THSD4: variants seen among roughly 807,000 people sequenced by gnomAD.
THSD4 encodes thrombospondin type-1 domain-containing protein 4.
In THSD4, 69 loss-of-function variants were observed where a neutral mutation model predicts 119.0. The ratio of observed to expected loss-of-function variants is 0.58; its 90% confidence interval spans 0.48 to 0.71. The LOEUF (loss-of-function observed/expected upper bound fraction) is 0.71, where lower values mean the gene tolerates loss of function less well. THSD4 is among the 30% of genes least tolerant of loss of function. The probability of loss-of-function intolerance (pLI) is 0.00; values close to 1 mark genes in which losing one functional copy is unlikely to be tolerated. For missense variants in THSD4, 1,393 were observed against 1,391.1 expected (o/e 1.00, Z -0.02); for synonymous variants, 524 against 540.4 (o/e 0.97, Z 0.42).
At chr15:71,358,929 C>T (rs912083080) in intron 6 of THSD4, among the ~76,000 whole-genome samples, 2 of 152,148 alleles carry the variant, frequency 1.3e-5, no homozygotes, top group Non-Finnish European at 1.5e-5. Flanking sequence ...AAAATGAGTT[C>T]CTCTGTCCCT....
At chr15:71,412,898 C>T (rs1596414198) in intron 7 of THSD4, among the ~76,000 whole-genome samples, 1 of 152,234 alleles carries the variant, frequency 6.6e-6, no homozygotes. Context: ...TTGATACAGA[C>T]ATACAGTGTG....
chr15:71,346,208 C>CAATG (rs891860486), intron 6 of THSD4, among the ~76,000 whole-genome samples: 2 of 152,144 alleles, frequency 1.3e-5, no homozygotes, highest in African/African-American at 2.4e-5. Context: ...AGAATATAGA[C>CAATG]CATTATTAGG....
At chr15:71,727,554 ATATATAT>A (rs1248301456) in intron 8 of THSD4, among the ~76,000 whole-genome samples, 2 of 121,712 alleles carry the variant, frequency 1.6e-5, no homozygotes, top group African/African-American at 8.1e-5. Context: ...AAAAAAAAAA[ATATATAT>A]ATATATATAT....
At chr15:71,714,545 C>T (rs1469951138) in intron 8 of THSD4, among the ~76,000 whole-genome samples, 2 of 152,242 alleles carry the variant, frequency 1.3e-5, no homozygotes, top group East Asian at 3.9e-4. Context: ...TTGGCATTTT[C>T]TTTTCTTAAG....
intron 7 of THSD4, among the ~76,000 whole-genome samples, chr15:71,565,978 T>C (rs956687480): frequency 6.6e-6 from 1 of 152,088 alleles, no homozygotes; most frequent in Non-Finnish European, 1.5e-5. Flanking sequence ...CTCCTAGAAT[T>C]GAAACCAACT....
chr15:71,338,122 A>C (rs1283704732), intron 6 of THSD4, among the ~76,000 whole-genome samples: 6 of 152,194 alleles, frequency 3.9e-5, no homozygotes, highest in Non-Finnish European at 2.9e-5. Flanking sequence ...AACTGGGTTC[A>C]AAATATGGTT....
chr15:71,644,010 A>G (rs760461061), intron 7 of THSD4, among the ~76,000 whole-genome samples: 1 of 152,194 alleles, frequency 6.6e-6, no homozygotes, highest in Non-Finnish European at 1.5e-5. Context: ...TTGAAAATAT[A>G]TCTTAAAGAT....
Position 71,411,746 on chromosome 15 carries a change from C to T in THSD4, c.1075C>T (p.Arg359Trp), listed in dbSNP as rs781436484. The T allele has an allele frequency of 8.1e-6, 13 of 1,614,086 alleles. No individual in the cohort carries two copies. The highest frequency in any genetic ancestry group is 4.5e-5 in the East Asian group (2 of 44,868). Residue 359 changes from arginine (R) to tryptophan (W), a missense_variant, in exon 7 of 18, where the codon CGG (arginine) becomes TGG (tryptophan). Coordinates refer to ENST00000261862, the MANE Select transcript of THSD4 (RefSeq NM_024817.3). ...GGCAATGGGCTACCGCTTCTATGTA[C>T]GGCAAGCTGAGAAAGTCATCGATGG... is the stretch of plus-strand genomic sequence containing the variant. The part of the protein sequence containing the change: ...CQAMGYRFYV[R>W]QAEKVIDGTP...
Position 71,726,018 on chromosome 15 carries a change from G to C in THSD4, c.1358-2531G>C, listed in dbSNP as rs142462895. Among the ~76,000 whole-genome samples, 269 of 152,266 alleles carry C rather than the reference G, an allele frequency of 1.8e-3. 1 individual carries two copies. The highest frequency in any genetic ancestry group is 5.1e-3 in the African/African-American group (214 of 41,556). On this transcript the variant is annotated intron_variant, in intron 8 of 17. Transcript: ENST00000261862. The stretch of plus-strand genomic sequence containing the variant: ...TGGTCTGAAACCCCCGACCTCAGGT[G>C]ATCTGCCCGCCTCAGCCTCCCAAAG...
At chr15:71,736,685 T>C (rs1161803528) in intron 10 of THSD4, among the ~76,000 whole-genome samples, 1 of 152,146 alleles carries the variant, frequency 6.6e-6, no homozygotes, top group African/African-American at 2.4e-5. Flanking sequence ...CCTCTCTCTC[T>C]TTCTCTCTCT....
At chr15:71,460,311 T>G (rs2047410985) in intron 7 of THSD4, among the ~76,000 whole-genome samples, 2 of 150,332 alleles carry the variant, frequency 1.3e-5, no homozygotes, top group South Asian at 4.2e-4. Context: ...CCTGGTTTTT[T>G]TTTTTTTTTT....
chr15:71,676,986 C>T (rs1474660562), intron 8 of THSD4, among the ~76,000 whole-genome samples: 1 of 152,202 alleles, frequency 6.6e-6, no homozygotes, highest in African/African-American at 2.4e-5. Context: ...ATTGATGAGT[C>T]ATATGGTAAC....
intron 7 of THSD4, among the ~76,000 whole-genome samples, chr15:71,594,649 C>G (rs77795905): frequency 0.016 from 2,382 of 152,278 alleles, 64 homozygotes; most frequent in African/African-American, 0.052. Context: ...CAGGCTTCAG[C>G]AGCAGACATG....
At chr15:71,439,826 A>G (rs1003927011) in intron 7 of THSD4, among the ~76,000 whole-genome samples, 6 of 152,104 alleles carry the variant, frequency 3.9e-5, no homozygotes, top group African/African-American at 9.7e-5. Flanking sequence ...GAACACATGG[A>G]CACAGGAAGG....
At chr15:71,344,979 G>A (rs1268443656) in intron 6 of THSD4, among the ~76,000 whole-genome samples, 1 of 152,122 alleles carries the variant, frequency 6.6e-6, no homozygotes, top group East Asian at 1.9e-4. Flanking sequence ...GGTCATGTGG[G>A]AGATGGGTAG....
chr15:71,175,915 T>C (rs2043444478), intron 3 of THSD4, among the ~76,000 whole-genome samples: 1 of 67,818 alleles, frequency 1.5e-5, no homozygotes, highest in African/African-American at 6.0e-5. Context: ...AGAAATAAAA[T>C]CCTTTACAGA....
upstream of THSD4, chr15:71,111,182 A>AC (rs748303564): frequency 6.8e-6 from 11 of 1,612,490 alleles, no homozygotes; most frequent in Non-Finnish European, 9.3e-6. Context: ...GGGGTGAGAA[A>AC]GAGGATGAGA....
chr15:71,261,519 G>A (rs2044399321), intron 6 of THSD4, among the ~76,000 whole-genome samples: 1 of 152,156 alleles, frequency 6.6e-6, no homozygotes, highest in Admixed American at 6.5e-5. Context: ...CCTAGTGACT[G>A]TTCCAATCCC....
intron 8 of THSD4, among the ~76,000 whole-genome samples, chr15:71,718,554 C>T (rs1444150691): frequency 1.3e-5 from 2 of 152,182 alleles, no homozygotes; most frequent in Admixed American, 1.3e-4. Context: ...AACCAGATTT[C>T]AGTTGTTGTA....
Sources: gnomAD v4.1 joint callset for allele counts (sites outside exome capture counted in the v4.1 genomes callset) on GRCh38, gnomAD v4.1.1 for gene constraint, MANE v1.5 for transcripts, NCBI Gene and HGNC (gene_info 2026-07-23, HGNC 2026-07-21) for gene names.